MMAB: variants seen among roughly 807,000 people sequenced by gnomAD.
The protein encoded by MMAB is metabolism of cobalamin associated B, also known as corrinoid adenosyltransferase MMAB.
A neutral mutation model predicts 30.6 loss-of-function variants in MMAB; 17 were observed. The ratio of observed to expected loss-of-function variants is 0.56; its 90% confidence interval spans 0.38 to 0.83. MMAB has a LOEUF of 0.83. Among genes scored for constraint, MMAB ranks in the 40% least tolerant of loss-of-function variants. The pLI is 0.00. For missense variants in MMAB, 311 were observed against 331.6 expected (o/e 0.94, Z 0.48); for synonymous variants, 134 against 138.6 (o/e 0.97, Z 0.23).
chr12:109,558,094 CCT>C lies in MMAB; in HGVS notation c.645-960_645-959del, dbSNP rs1452879786. ...CACACCACATCCTCCTGAGTCCTCC[CCT>C]GACTCAGGCCCCCTGGGCCCCACGG... On this transcript the variant is annotated intron_variant, in intron 8 of 8. Coordinates refer to ENST00000545712, the MANE Select transcript of MMAB (RefSeq NM_052845.4). The surrounding 1 kb of genome is among the most constrained non-coding windows in gnomAD (Gnocchi z 4.3). Among the ~76,000 whole-genome samples, 3 of 152,298 alleles carry C rather than the reference CCT, an allele frequency of 2.0e-5. No individual in the cohort carries two copies. Among genetic ancestry groups the C allele is most frequent in the East Asian group, 1.9e-4 (1 of 5,172 alleles).
intron 4 of MMAB, among the ~76,000 whole-genome samples, chr12:109,564,379 GTTTTTTT>G (rs869192707): frequency 2.4e-5 from 3 of 126,756 alleles, no homozygotes; most frequent in Non-Finnish European, 3.3e-5. Context: ...GGAGACAGAG[GTTTTTTT>G]TTTTTTTTTT....
chr12:109,561,006 C>T lies in MMAB; in HGVS notation c.584+34G>A. ...CCTCCCCCTTGTTCCTCTCCCTCTC[C>T]CTTGGGCCCTCTCCCTCTCTCCAGC... On this transcript the variant is annotated intron_variant, in intron 7 of 8. Transcript: ENST00000545712. This position sits in a 1 kb window ranked among gnomAD's most constrained non-coding sequence, Gnocchi z 5.3. 7.1e-7 allele frequency: 1 copy of T among 1,414,308 alleles called. No individual in the cohort carries two copies. The highest frequency in any genetic ancestry group is 9.9e-7 in the Non-Finnish European group (1 of 1,011,492). The allele number at this position is 1,414,308 out of a possible 1,614,324, so 87.6% of individuals were successfully genotyped here.
intron 7 of MMAB, 143 bp downstream of exon 7, chr12:109,560,897 G>T: frequency 2.4e-6 from 2 of 817,226 alleles, no homozygotes; most frequent in Non-Finnish European, 4.1e-6. Flanking sequence ...CTCAGAGATG[G>T]CCCTGCTGTA....
chr12:109,561,601 C>T lies in MMAB; in HGVS notation c.422-84G>A, dbSNP rs1264211757. Reference sequence around the variant, plus strand: ...GGGAACCACCCCCGCCGCCCTTCCACCTGGGTGTCCCGCAGACTGCTTCCA... The same window carrying T: ...GGGAACCACCCCCGCCGCCCTTCCATCTGGGTGTCCCGCAGACTGCTTCCA... On this transcript the variant is annotated intron_variant, in intron 5 of 8. Transcript: ENST00000545712. The surrounding 1 kb of genome is among the most constrained non-coding windows in gnomAD (Gnocchi z 5.3). 7.7e-6 allele frequency: 10 copies of T among 1,305,266 alleles called. No individual in the cohort carries two copies. The highest frequency in any genetic ancestry group is 2.1e-4 in the Middle Eastern group (1 of 4,716). 80.9% of individuals were successfully genotyped at this position (1,305,266 alleles called of 1,614,324 possible).
In MMAB at chr12:109,568,771, C is replaced by T. The variant is rs755006914; in HGVS notation, c.289G>A (p.Gly97Arg). 5 of 1,612,872 alleles carry T rather than the reference C, an allele frequency of 3.1e-6. No individual in the cohort carries two copies. The highest frequency in any genetic ancestry group is 4.2e-6 in the Non-Finnish European group (5 of 1,178,796). Residue 97 changes from glycine to arginine, a missense_variant and splice_region_variant, in exon 3 of 9, where the codon GGG (glycine) becomes AGG (arginine). Physicochemically the swap from Gly to Arg is moderately radical, Grantham distance 125. Transcript: ENST00000545712. ...CAAGGCCAATCCTGTCCCCCTTACC[C>T]AATAGCTGAACTTAATTCATCTGTA... ...GTTDELSSAI[G>R]FALELVTEKG... is the part of the protein sequence containing the mutation.
At chr12:109,566,083 T>C (rs536561255) in intron 3 of MMAB, among the ~76,000 whole-genome samples, 7 of 152,104 alleles carry the variant, frequency 4.6e-5, no homozygotes, top group Admixed American at 6.5e-5. Context: ...TGGAGGGAGC[T>C]GAATTCTGGA....
chr12:109,571,408 T>C (rs1884622530), intron 2 of MMAB, among the ~76,000 whole-genome samples: 1 of 152,050 alleles, frequency 6.6e-6, no homozygotes, highest in Non-Finnish European at 1.5e-5. Context: ...TGGACCACCA[T>C]ACTCAGCTAA....
chr12:109,571,529 G>T, intron 2 of MMAB, 120 bp downstream of exon 2: 1 of 908,838 alleles, frequency 1.1e-6, no homozygotes, highest in Non-Finnish European at 1.8e-6. Flanking sequence ...CGGGATTACA[G>T]GCATGAGCCA....
chr12:109,567,666 C>A (rs908678646), intron 3 of MMAB, among the ~76,000 whole-genome samples: 3 of 152,208 alleles, frequency 2.0e-5, no homozygotes, highest in African/African-American at 7.2e-5. Flanking sequence ...GAGTCGTACT[C>A]TGTCACCCAG....
intron 4 of MMAB, among the ~76,000 whole-genome samples, chr12:109,563,211 A>C (rs940764751): frequency 2.0e-5 from 3 of 152,192 alleles, no homozygotes; most frequent in Admixed American, 6.5e-5. Flanking sequence ...TGCAGCGTGT[A>C]CCCCAAGGGC....
Position 109,554,522 on chromosome 12 carries a change from T to C in MMAB, c.*2506A>G. The C allele has an allele frequency of 2.2e-6, 1 of 454,128 alleles. No individual in the cohort carries two copies. The highest frequency in any genetic ancestry group is 4.4e-6 in the Non-Finnish European group (1 of 226,790). The allele number at this position is 454,128 out of a possible 1,614,324, so 28.1% of individuals were successfully genotyped here. On this transcript the variant is annotated 3_prime_UTR_variant, in exon 9 of 9. Transcript: ENST00000545712. ...AAAAAAATCTACGATAAGCAAGGGA[T>C]CACGACTTTAAATAAAAACAGGCTG...
In MMAB at chr12:109,554,939, A is replaced by G. The variant is rs748268481; in HGVS notation, c.*2089T>C. The G allele has an allele frequency of 2.2e-6, 1 of 454,136 alleles. No individual in the cohort carries two copies. The highest frequency in any genetic ancestry group is 2.3e-5 in the Admixed American group (1 of 42,576). 28.1% of individuals were successfully genotyped at this position (454,136 alleles called of 1,614,324 possible). A position where few individuals can be genotyped will look rare whatever the true frequency, so the allele number is the denominator to read the frequency against. Reference sequence around the variant, plus strand: ...TTCTCAGAGAAGTGTTTGCTGGTGAACCGGGAGACAGATACAGAGGCGGGG... The same window carrying G: ...TTCTCAGAGAAGTGTTTGCTGGTGAGCCGGGAGACAGATACAGAGGCGGGG... On this transcript the variant is annotated 3_prime_UTR_variant, in exon 9 of 9. Coordinates refer to ENST00000545712, the MANE Select transcript of MMAB (RefSeq NM_052845.4).
At chr12:109,564,237 A>C (rs1293616651) in intron 4 of MMAB, among the ~76,000 whole-genome samples, 1 of 152,186 alleles carries the variant, frequency 6.6e-6, no homozygotes, top group Non-Finnish European at 1.5e-5. Context: ...ATGTCTCCAG[A>C]TATTGCTCAG....
Position 109,554,399 on chromosome 12 carries a change from G to A in MMAB, c.*2629C>T, listed in dbSNP as rs1041791613. ...ATTCCAGGGAGCCTGACCTGGAGGC[G>A]GAGGAGGCATTTTCATGGGTGCAAA... On this transcript the variant is annotated 3_prime_UTR_variant, in exon 9 of 9. Coordinates refer to ENST00000545712, the MANE Select transcript of MMAB (RefSeq NM_052845.4). 8 of 453,942 alleles carry A rather than the reference G, an allele frequency of 1.8e-5. No individual in the cohort carries two copies. The highest frequency in any genetic ancestry group is 1.4e-4 in the East Asian group (2 of 14,402). 28.1% of individuals were successfully genotyped at this position (453,942 alleles called of 1,614,324 possible). A position where few individuals can be genotyped will look rare whatever the true frequency, so the allele number is the denominator to read the frequency against.
intron 2 of MMAB, among the ~76,000 whole-genome samples, chr12:109,570,812 T>C (rs928049449): frequency 1.4e-5 from 2 of 146,222 alleles, no homozygotes; most frequent in African/African-American, 2.6e-5. Flanking sequence ...AGGTGGAGGC[T>C]GTTGTGAGCC....
Position 109,561,675 on chromosome 12 carries a change from T to C in MMAB, c.421+105A>G. On this transcript the variant is annotated intron_variant, in intron 5 of 8. Coordinates refer to ENST00000545712, the MANE Select transcript of MMAB (RefSeq NM_052845.4). The surrounding 1 kb of genome is among the most constrained non-coding windows in gnomAD (Gnocchi z 5.3). ...CCCAGGAGCTACGAGCAAGGCTAAC[T>C]GACCCACCCGTGGGTCCCTGGGGGC... 8.0e-7 allele frequency: 1 copy of C among 1,257,066 alleles called. No homozygotes were observed. The highest frequency in any genetic ancestry group is 1.1e-6 in the Non-Finnish European group (1 of 882,288). The allele number at this position is 1,257,066 out of a possible 1,614,324, so 77.9% of individuals were successfully genotyped here.
rs766894935 is a variant in MMAB at position 109,554,078 on chromosome 12, G to A, written c.*2950C>T. On this transcript the variant is annotated 3_prime_UTR_variant, in exon 9 of 9. Transcript: ENST00000545712. ...CCACAGCCCAGGTAGTGATTAAAAC[G>A]ACTGTCAAGCGGCAGTGGGTGGGAG... 4 of 454,024 alleles carry A rather than the reference G, an allele frequency of 8.8e-6. No homozygotes were observed. The highest frequency in any genetic ancestry group is 3.1e-5 in the South Asian group (2 of 64,484). The allele number at this position is 454,024 out of a possible 1,614,324, so 28.1% of individuals were successfully genotyped here.
chr12:109,558,121 G>T lies in MMAB; in HGVS notation c.644+975C>A, dbSNP rs1287909340. Among the ~76,000 whole-genome samples, 1 of 152,146 alleles carries T rather than the reference G, an allele frequency of 6.6e-6. No homozygotes were observed. Reference sequence around the variant, plus strand: ...TGACTCAGGCCCCCTGGGCCCCACGGCTGGCTCTCAGGAAGAGCGAAGGGG... The same window carrying T: ...TGACTCAGGCCCCCTGGGCCCCACGTCTGGCTCTCAGGAAGAGCGAAGGGG... On this transcript the variant is annotated intron_variant, in intron 8 of 8. Transcript: ENST00000545712. The surrounding 1 kb of genome is among the most constrained non-coding windows in gnomAD (Gnocchi z 4.3).
chr12:109,568,743 C>T (rs1161290372), intron 3 of MMAB, 27 bp downstream of exon 3: 1 of 1,577,602 alleles, frequency 6.3e-7, no homozygotes, highest in Admixed American at 1.7e-5. Context: ...TCAAACGCAA[C>T]CTCAAGGCCA....
Sources: allele counts gnomAD v4.1 joint callset (sites outside exome capture counted in the v4.1 genomes callset), GRCh38; gene constraint gnomAD v4.1.1; non-coding constraint Gnocchi (gnomAD v3.1); transcripts MANE v1.5; gene names NCBI Gene and HGNC (gene_info 2026-07-23, HGNC 2026-07-21).